The following TRANK1 variants were observed in gnomAD, a reference collection of about 807,000 sequenced individuals.
The protein encoded by TRANK1 is tetratricopeptide repeat and ankyrin repeat containing 1.
TRANK1 carries 198 observed loss-of-function variants against 266.0 expected under a neutral mutation model. The observed-to-expected ratio is 0.74, with a 90% CI of 0.66 to 0.84. The LOEUF (loss-of-function observed/expected upper bound fraction) is 0.84, where lower values mean the gene tolerates loss of function less well. TRANK1 is among the 40% of genes least tolerant of loss of function. The pLI is 0.00. For missense variants in TRANK1, 3,326 were observed against 3,634.6 expected (o/e 0.92, Z 2.18); for synonymous variants, 1,396 against 1,384.1 (o/e 1.01, Z -0.19).
Position 36,855,234 on chromosome 3 carries a change from C to T in TRANK1, c.4488G>A (p.Gln1496=). 1.2e-6 allele frequency: 2 copies of T among 1,614,056 alleles called. No homozygotes were observed. Among genetic ancestry groups the T allele is most frequent in the Non-Finnish European group, 1.7e-6 (2 of 1,179,892 alleles). ...HYASRNTIDK[Q]CAVRKPKKIH... The stretch of plus-strand genomic sequence containing the variant: ...TCTTCTTGGGCTTCCGGACAGCACA[C>T]TGCTTGTCTATGGTGTTTCTGCTGG... The change falls in exon 13 of 24, where the codon CAG becomes CAA. Residue 1496 remains glutamine, a synonymous_variant. Transcript: ENST00000645898.
chr3:36,832,605 G>A lies in TRANK1; in HGVS notation c.6978C>T (p.Ser2326=), dbSNP rs1575175521. 1.2e-6 allele frequency: 2 copies of A among 1,614,012 alleles called. No individual in the cohort carries two copies. The highest frequency in any genetic ancestry group is 1.7e-6 in the Non-Finnish European group (2 of 1,179,898). The change falls in exon 22 of 24, where the codon TCC becomes TCT. Residue 2326 remains serine (S), a synonymous_variant. Transcript: ENST00000645898. ...GCATGGCACTCAGCCACAGGTCTGT[G>A]GATTCCCGGCGGTTGCGTGCGCTTT... ...ENESARNRRE[S]TDLWLSAMQA...
chr3:36,867,318 T>A (rs2079241518), intron 9 of TRANK1, among the ~76,000 whole-genome samples: 1 of 152,220 alleles, frequency 6.6e-6, no homozygotes, highest in Non-Finnish European at 1.5e-5. Flanking sequence ...CCCAGGAAAG[T>A]AAGTTTAGTA....
chr3:36,930,779 A>T (rs2080351248), intron 1 of TRANK1, among the ~76,000 whole-genome samples: 1 of 152,202 alleles, frequency 6.6e-6, no homozygotes, highest in Admixed American at 6.5e-5. Context: ...TTGCCAAAAA[A>T]AGAGAGGGGG....
At chr3:36,886,823 T>G (rs2079613081) in intron 8 of TRANK1, among the ~76,000 whole-genome samples, 1 of 152,040 alleles carries the variant, frequency 6.6e-6, no homozygotes, top group Admixed American at 6.5e-5. Flanking sequence ...GAGGTAGATC[T>G]TGAAAGCTAC....
upstream of TRANK1, among the ~76,000 whole-genome samples, chr3:36,945,353 G>C (rs2080558637): frequency 6.6e-6 from 1 of 152,166 alleles, no homozygotes; most frequent in Non-Finnish European, 1.5e-5. Flanking sequence ...GCCTCAGCGT[G>C]GGTTTTCTCC....
chr3:36,908,671 C>T (rs2080009137), intron 1 of TRANK1: 1 of 974,666 alleles, frequency 1.0e-6, no homozygotes, highest in Non-Finnish European at 1.2e-6. Flanking sequence ...TCAAGGGTGG[C>T]CAGACCAATT....
At chr3:36,899,344 G>A (rs147128787) in intron 3 of TRANK1, 85 bp from the exon 4 acceptor site, 3 of 1,433,672 alleles carry the variant, frequency 2.1e-6, no homozygotes, top group South Asian at 1.4e-5. Flanking sequence ...TGGCAACATG[G>A]GAAATCCAAC....
intron 1 of TRANK1, among the ~76,000 whole-genome samples, chr3:36,936,012 A>C (rs1360557010): frequency 6.6e-6 from 1 of 152,040 alleles, no homozygotes; most frequent in African/African-American, 2.4e-5. Flanking sequence ...CAAAGGGAAA[A>C]GGTGTATACA....
In TRANK1 at chr3:36,856,557, A is replaced by G; in HGVS notation, c.3165T>C (p.Gly1055=). ...GGTCGATCACCGCGTACTCAAGCTC[A>G]CCCACCCGGAAGGGGTACTCCACTG... ...TATVEYPFRV[G]ELEYAVIDLN... is the part of the protein sequence containing the mutation. Residue 1055 remains glycine, a synonymous_variant, in exon 13 of 24, where the codon GGT becomes GGC. Transcript: ENST00000645898. 1 of 1,613,878 alleles carries G rather than the reference A, an allele frequency of 6.2e-7. No homozygotes were observed. The highest frequency in any genetic ancestry group is 8.5e-7 in the Non-Finnish European group (1 of 1,179,862).
At chr3:36,911,916 G>T (rs1424481960) in intron 1 of TRANK1, among the ~76,000 whole-genome samples, 4 of 152,196 alleles carry the variant, frequency 2.6e-5, no homozygotes, top group Non-Finnish European at 4.4e-5. Context: ...GCCAGGCACA[G>T]TGGCTCACGC....
At chr3:36,907,046 T>G (rs958989329) in intron 2 of TRANK1, among the ~76,000 whole-genome samples, 1 of 152,254 alleles carries the variant, frequency 6.6e-6, no homozygotes, top group African/African-American at 2.4e-5. Context: ...GCCAGCTGTC[T>G]TCTGTGGAGA....
rs368910558 is a variant in TRANK1 at position 36,852,099 on chromosome 3, T to C, written c.4749+47A>G. The C allele has an allele frequency of 6.2e-4, 952 of 1,525,510 alleles. 3 individuals are homozygous for C. Among genetic ancestry groups the C allele is most frequent in the Admixed American group, 3.5e-3 (151 of 43,268 alleles). The allele number at this position is 1,525,510 out of a possible 1,614,324, so 94.5% of individuals were successfully genotyped here. On this transcript the variant is annotated intron_variant, in intron 14 of 23. Coordinates refer to ENST00000645898, the MANE Select transcript of TRANK1 (RefSeq NM_001329998.2). ...ATTTAGCTTCTCAAACTTTTTTCAA[T>C]TGCAAACTGTCTTTTATTTCAAAAC...
intron 15 of TRANK1, chr3:36,850,829 T>C: frequency 4.1e-6 from 4 of 985,396 alleles, no homozygotes; most frequent in Non-Finnish European, 4.8e-6. Flanking sequence ...GGGCAGATTT[T>C]TAAAGTGTTA....
At chr3:36,919,094 C>T (rs894548627) in intron 1 of TRANK1, among the ~76,000 whole-genome samples, 20 of 152,294 alleles carry the variant, frequency 1.3e-4, no homozygotes, top group African/African-American at 3.6e-4. Flanking sequence ...TTAACAAAGA[C>T]GTACAGTAGA....
chr3:36,916,592 T>A (rs912442736), intron 1 of TRANK1, among the ~76,000 whole-genome samples: 2 of 152,072 alleles, frequency 1.3e-5, no homozygotes, highest in African/African-American at 2.4e-5. Context: ...CAATTGATAC[T>A]TCCAGATCAT....
chr3:36,870,962 T>TAAAAAAAAA (rs563787088), intron 9 of TRANK1, among the ~76,000 whole-genome samples: 7 of 65,096 alleles, frequency 1.1e-4, no homozygotes, highest in African/African-American at 1.7e-4. Context: ...ACAAGGAAAC[T>TAAAAAAAAA]AAAAAAAAAA....
At chr3:36,940,361 G>A (rs370906279) in intron 1 of TRANK1, among the ~76,000 whole-genome samples, 9 of 151,910 alleles carry the variant, frequency 5.9e-5, no homozygotes, top group East Asian at 2.0e-4. Context: ...TTAGCCGGGC[G>A]TGGTGGCAGG....
chr3:36,891,769 C>T (rs993078898), intron 7 of TRANK1, among the ~76,000 whole-genome samples: 1 of 152,186 alleles, frequency 6.6e-6, no homozygotes, highest in Non-Finnish European at 1.5e-5. Flanking sequence ...CTTGGGATAC[C>T]CCCAGCCAAG....
At chr3:36,914,828 G>A (rs897620396) in intron 1 of TRANK1, among the ~76,000 whole-genome samples, 1 of 152,010 alleles carries the variant, frequency 6.6e-6, no homozygotes, top group African/African-American at 2.4e-5. Flanking sequence ...AGTAGAGACG[G>A]GGTTTCACCA....
Sources: gnomAD v4.1 joint callset for allele counts (sites outside exome capture counted in the v4.1 genomes callset) on GRCh38, gnomAD v4.1.1 for gene constraint, MANE v1.5 for transcripts, NCBI Gene and HGNC (gene_info 2026-07-23, HGNC 2026-07-21) for gene names.